The following AGMO variants were observed in gnomAD, a reference collection of about 807,000 sequenced individuals.
AGMO encodes the protein glyceryl-ether monooxygenase.
Under a neutral mutation model 60.2 loss-of-function variants are expected in AGMO, and 75 were observed. That is an observed-to-expected ratio of 1.25 (90% CI 1.03 to 1.51). The LOEUF (loss-of-function observed/expected upper bound fraction) is 1.51, where lower values mean the gene tolerates loss of function less well. AGMO is among the 40% of genes most tolerant of loss of function. AGMO has a pLI of 0.00. For synonymous variants in AGMO, 261 were observed against 177.1 expected (o/e 1.47, Z -3.76); for missense variants, 763 against 525.5 (o/e 1.45, Z -4.42).
intron 3 of AGMO, among the ~76,000 whole-genome samples, chr7:15,543,642 T>C (rs1784690468): frequency 6.6e-6 from 1 of 152,134 alleles, no homozygotes; most frequent in Non-Finnish European, 1.5e-5. Flanking sequence ...GCTGTGAAGT[T>C]TGATATTGTG....
At chr7:15,427,054 G>A (rs762919273) in intron 4 of AGMO, among the ~76,000 whole-genome samples, 1 of 152,068 alleles carries the variant, frequency 6.6e-6, no homozygotes, top group African/African-American at 2.4e-5. Flanking sequence ...GTGGGTGATG[G>A]GTTGAGGGAT....
intron 10 of AGMO, among the ~76,000 whole-genome samples, chr7:15,369,526 C>T (rs1783117355): frequency 6.6e-6 from 1 of 152,128 alleles, no homozygotes; most frequent in Non-Finnish European, 1.5e-5. Flanking sequence ...GAAATGACTT[C>T]CCCTAGTGAT....
intron 3 of AGMO, among the ~76,000 whole-genome samples, chr7:15,486,124 C>G (rs12699721): frequency 0.57 from 86,554 of 151,878 alleles, 26,427 homozygotes; most frequent in East Asian, 0.96. Flanking sequence ...TTGGAGATAA[C>G]GCAAACTGCC....
At chr7:15,350,330 G>C (rs1563102309) in intron 12 of AGMO, among the ~76,000 whole-genome samples, 1 of 152,040 alleles carries the variant, frequency 6.6e-6, no homozygotes, top group Non-Finnish European at 1.5e-5. Context: ...TATAAAATCA[G>C]TTAACATAAA....
Position 15,405,596 on chromosome 7 carries a change from A to T in AGMO, c.610-11417T>A, listed in dbSNP as rs115311718. On this transcript the variant is annotated intron_variant, in intron 5 of 12. Coordinates refer to ENST00000342526, the MANE Select transcript of AGMO (RefSeq NM_001004320.2). ...ACTTTATGAACCAATTCCAGAATGTAGTCATTTGGCTTTTTCAAAATAAGT... is the reference window on the plus strand; with the variant it reads ...ACTTTATGAACCAATTCCAGAATGTTGTCATTTGGCTTTTTCAAAATAAGT... Among the ~76,000 whole-genome samples the T allele has an allele frequency of 9.4e-3, 1,428 of 152,024 alleles. 26 individuals are homozygous for T. The highest frequency in any genetic ancestry group is 0.034 in the African/African-American group (1,395 of 41,526).
chr7:15,450,024 A>T (rs1452374093), intron 3 of AGMO, among the ~76,000 whole-genome samples: 1 of 152,200 alleles, frequency 6.6e-6, no homozygotes, highest in African/African-American at 2.4e-5. Context: ...CTTTTTTTCC[A>T]ATTTAATTTA....
chr7:15,392,474 T>C (rs1176854279), intron 6 of AGMO, among the ~76,000 whole-genome samples: 1 of 151,680 alleles, frequency 6.6e-6, no homozygotes, highest in Admixed American at 6.6e-5. Flanking sequence ...TATGTCCCCA[T>C]AAACCATCTA....
chr7:15,506,921 A>G (rs1783525775), intron 3 of AGMO, among the ~76,000 whole-genome samples: 1 of 151,984 alleles, frequency 6.6e-6, no homozygotes, highest in Admixed American at 6.6e-5. Context: ...AAAGAAAATT[A>G]ATTTTTCCTA....
chr7:15,149,735 G>A, the AGMO span, among the ~76,000 whole-genome samples: 1 of 152,104 alleles, frequency 6.6e-6, no homozygotes, highest in South Asian at 2.1e-4. Context: ...ATAGTTTGGA[G>A]ACAGGTAGTG....
intron 12 of AGMO, among the ~76,000 whole-genome samples, chr7:15,271,702 T>C (rs140246738): frequency 2.6e-5 from 4 of 152,314 alleles, no homozygotes; most frequent in East Asian, 1.9e-4. Context: ...TCCAGTACTA[T>C]GTTGAATAGA....
chr7:15,257,861 C>A (rs533145406), intron 12 of AGMO, among the ~76,000 whole-genome samples: 1 of 152,068 alleles, frequency 6.6e-6, no homozygotes, highest in Admixed American at 6.6e-5. Context: ...ATTACCCACC[C>A]GTTTAATAGT....
At chr7:15,436,424 C>T (rs1781406938) in intron 3 of AGMO, among the ~76,000 whole-genome samples, 1 of 152,074 alleles carries the variant, frequency 6.6e-6, no homozygotes, top group Admixed American at 6.5e-5. Context: ...AGAGTGAACC[C>T]ACTCGCAAAA....
At chr7:15,347,990 C>G (rs1469072815) in intron 12 of AGMO, among the ~76,000 whole-genome samples, 1 of 152,000 alleles carries the variant, frequency 6.6e-6, no homozygotes, top group Non-Finnish European at 1.5e-5. Context: ...ATATAGTTTA[C>G]TCAGCTCTTG....
intron 5 of AGMO, among the ~76,000 whole-genome samples, chr7:15,410,691 T>C (rs1483207823): frequency 6.6e-6 from 1 of 151,808 alleles, no homozygotes; most frequent in East Asian, 1.9e-4. Flanking sequence ...TTTAGTACTT[T>C]CTATGTGATA....
the AGMO span, among the ~76,000 whole-genome samples, chr7:15,163,552 G>T: frequency 1.3e-5 from 2 of 151,978 alleles, no homozygotes; most frequent in African/African-American, 4.8e-5. Flanking sequence ...TTTATAGAAT[G>T]CTTTTTCTGC....
chr7:15,406,566 A>G (rs1342431068), intron 5 of AGMO, among the ~76,000 whole-genome samples: 14 of 127,486 alleles, frequency 1.1e-4, no homozygotes, highest in East Asian at 9.0e-4. Flanking sequence ...GAATACACAC[A>G]CACACACACA....
chr7:15,175,151 T>C, the AGMO span, among the ~76,000 whole-genome samples: 132,542 of 151,958 alleles, frequency 0.87, 58,177 homozygotes, highest in East Asian at 1. Flanking sequence ...ATGTACTATA[T>C]ATTCATAATT....
chr7:15,175,948 C>T, the AGMO span, among the ~76,000 whole-genome samples: 6 of 151,712 alleles, frequency 4.0e-5, no homozygotes, highest in Admixed American at 2.6e-4. Flanking sequence ...ATATACATCA[C>T]CGAGCAGATT....
At position 15,367,048 on chromosome 7, in the gene AGMO, T is replaced by G. The variant is rs192623085; in HGVS notation, c.1075-826A>C. 3.4e-3 allele frequency among the ~76,000 whole-genome samples: 513 copies of G among 152,126 alleles called. 1 individual carries two copies. Among genetic ancestry groups the G allele is most frequent in the African/African-American group, 0.011 (473 of 41,570 alleles). ...GTCTTTTTTTATTGTTTAAAATTCT[T>G]TACATTCTGTATAAAAACTAATTCT... On this transcript the variant is annotated intron_variant, in intron 10 of 12. Transcript: ENST00000342526.
Sources: gnomAD v4.1 joint callset for allele counts (sites outside exome capture counted in the v4.1 genomes callset) on GRCh38, gnomAD v4.1.1 for gene constraint, MANE v1.5 for transcripts, NCBI Gene and HGNC (gene_info 2026-07-23, HGNC 2026-07-21) for gene names.